The following NRG1 variants were observed in gnomAD, a reference collection of about 807,000 sequenced individuals.
NRG1 encodes the protein neuregulin 1.
In NRG1, 18 loss-of-function variants were observed where a neutral mutation model predicts 63.8. The observed-to-expected ratio is 0.28, with a 90% CI of 0.19 to 0.42. The LOEUF (loss-of-function observed/expected upper bound fraction) is 0.42. Among genes scored for constraint, NRG1 ranks in the 10% least tolerant of loss-of-function variants. NRG1 has a pLI of 1.00. For missense variants in NRG1, 762 were observed against 814.7 expected, an observed-to-expected ratio of 0.94 and a Z score of 0.79; for synonymous variants, 302 against 301.3, an observed-to-expected ratio of 1.00 and a Z score of -0.02.
At chr8:31,858,815 C>A (rs1262270394) in intron 1 of NRG1, among the ~76,000 whole-genome samples, 1 of 152,186 alleles carries the variant, frequency 6.6e-6, no homozygotes, top group Non-Finnish European at 1.5e-5. Flanking sequence ...TGTTGCACAA[C>A]CAACACTTCA....
chr8:31,725,793 G>A (rs900200066), intron 1 of NRG1, among the ~76,000 whole-genome samples: 1 of 152,014 alleles, frequency 6.6e-6, no homozygotes, highest in African/African-American at 2.4e-5. Flanking sequence ...TTGTGTAATG[G>A]CATTGGTTTT....
intron 5 of NRG1, among the ~76,000 whole-genome samples, chr8:32,676,500 C>T (rs927893104): frequency 1.3e-5 from 2 of 152,198 alleles, no homozygotes; most frequent in Non-Finnish European, 2.9e-5. Context: ...ATTTACTGCT[C>T]ATGTGACCCT....
intron 1 of NRG1, among the ~76,000 whole-genome samples, chr8:31,982,082 A>T (rs1809212898): frequency 6.6e-6 from 1 of 151,888 alleles, no homozygotes; most frequent in Non-Finnish European, 1.5e-5. Context: ...TCAAGGAGAC[A>T]GTGGGAGAAG....
rs138140629 is a variant in NRG1, at chr8:32,462,847, G to A, written c.38-132981G>A. On this transcript the variant is annotated intron_variant, in intron 1 of 10. Coordinates refer to the NRG1 transcript ENST00000519301. ...TCAAACTCCTGGCCTCAGGTGATCC[G>A]CCTGCCTTGGCCTCCCAAAGTTCTG... is the stretch of plus-strand genomic sequence containing the variant. Among the ~76,000 whole-genome samples, 215 of 151,844 alleles carry A rather than the reference G, an allele frequency of 1.4e-3. 3 individuals carry two copies. The East Asian group carries it at 0.035, about 25-fold the overall frequency.
intron 11 of NRG1, chr8:32,763,397 C>A: frequency 1.9e-6 from 3 of 1,605,236 alleles, no homozygotes; most frequent in African/African-American, 1.3e-5. Flanking sequence ...CCTTCCGAAT[C>A]CCTGAGCCTT....
chr8:32,407,836 G>C (rs1395095622), intron 1 of NRG1, among the ~76,000 whole-genome samples: 3 of 152,092 alleles, frequency 2.0e-5, no homozygotes, highest in Admixed American at 6.6e-5. Context: ...TATGCCTGTA[G>C]CTCCAAAAAA....
rs770086769 is a variant in NRG1 at position 32,571,335 on chromosome 8, A to G, written c.100+22509A>G. On this transcript the variant is annotated intron_variant, in intron 1 of 11. Coordinates refer to ENST00000356819, the Ensembl canonical transcript of NRG1. ...TGCTTGTAAATTCACTTGTTCTTTT[A>G]TAAATAATGTGCATACAAGGAGATT... Among the ~76,000 whole-genome samples, 155 of 152,280 alleles carry G rather than the reference A, an allele frequency of 1.0e-3. 1 individual carries two copies. Among genetic ancestry groups the G allele is most frequent in the Admixed American group, 5.2e-3 (79 of 15,286 alleles).
intron 5 of NRG1, among the ~76,000 whole-genome samples, chr8:32,627,306 A>G (rs1476601034): frequency 6.6e-6 from 1 of 152,214 alleles, no homozygotes; most frequent in Non-Finnish European, 1.5e-5. Context: ...TTTCTGAAAT[A>G]TAACTAGAAA....
intron 1 of NRG1, among the ~76,000 whole-genome samples, chr8:32,536,987 A>G (rs1430914094): frequency 6.8e-6 from 1 of 147,792 alleles, no homozygotes; most frequent in Non-Finnish European, 1.5e-5. Flanking sequence ...TCACGCCTGT[A>G]ATCCCACCAT....
chr8:32,233,624 G>T (rs1847236364), intron 1 of NRG1, among the ~76,000 whole-genome samples: 1 of 146,968 alleles, frequency 6.8e-6, no homozygotes, highest in Non-Finnish European at 1.5e-5. Flanking sequence ...GAGTGCAGTG[G>T]TGCGATCTCA....
intron 1 of NRG1, among the ~76,000 whole-genome samples, chr8:32,515,538 G>C (rs1241931338): frequency 6.6e-6 from 1 of 151,776 alleles, no homozygotes; most frequent in African/African-American, 2.4e-5. Flanking sequence ...TCAAATTCCT[G>C]GCTGAAGCAA....
chr8:32,319,619 G>T (rs1184576187), intron 1 of NRG1, among the ~76,000 whole-genome samples: 2 of 152,054 alleles, frequency 1.3e-5, no homozygotes, highest in Non-Finnish European at 2.9e-5. Context: ...TGTCACTCCA[G>T]GTAACACCCA....
chr8:32,472,466 G>A (rs780992352), intron 1 of NRG1, among the ~76,000 whole-genome samples: 2 of 152,210 alleles, frequency 1.3e-5, no homozygotes, highest in African/African-American at 4.8e-5. Context: ...CACCGTGCCC[G>A]GCCCTTGGCC....
chr8:32,497,414 T>C (rs1464229250), intron 1 of NRG1, among the ~76,000 whole-genome samples: 1 of 138,598 alleles, frequency 7.2e-6, no homozygotes, highest in Non-Finnish European at 1.5e-5. Flanking sequence ...GTCATTGCAC[T>C]CCAGCCTGGG....
Position 32,267,627 on chromosome 8 carries a change from C to T in NRG1, c.38-328201C>T, listed in dbSNP as rs566803193. The stretch of plus-strand genomic sequence containing the variant: ...CATTACCATGAGCAGTCAATAATTC[C>T]CTGAATCCCTGTTGGACAGAATTAC... On this transcript the variant is annotated intron_variant, in intron 1 of 10. Coordinates refer to the NRG1 transcript ENST00000519301. 1.7e-3 allele frequency among the ~76,000 whole-genome samples: 263 copies of T among 152,202 alleles called. 1 individual carries two copies. The highest frequency in any genetic ancestry group is 3.1e-3 in the Non-Finnish European group (209 of 68,006).
intron 1 of NRG1, among the ~76,000 whole-genome samples, chr8:31,667,306 G>T (rs546813492): frequency 1.3e-5 from 2 of 152,140 alleles, no homozygotes; most frequent in Non-Finnish European, 2.9e-5. Context: ...AGCAAATAGG[G>T]TGCCAGAGGT....
intron 1 of NRG1, among the ~76,000 whole-genome samples, chr8:31,859,932 G>GT (rs200993242): frequency 5.4e-4 from 82 of 152,168 alleles, no homozygotes; most frequent in South Asian, 1.0e-3. Context: ...AGCCTGCTTA[G>GT]TTTTTTTTCC....
intron 1 of NRG1, among the ~76,000 whole-genome samples, chr8:31,976,665 GT>G (rs1808237918): frequency 2.0e-4 from 1 of 4,948 alleles, no homozygotes; most frequent in Non-Finnish European, 5.2e-4. Context: ...TGCCATGGGT[GT>G]GTGTGTGTGT....
chr8:32,320,776 C>T (rs370202184), intron 1 of NRG1, among the ~76,000 whole-genome samples: 12 of 152,246 alleles, frequency 7.9e-5, no homozygotes, highest in African/African-American at 2.9e-4. Flanking sequence ...ATAGACTGCT[C>T]ACCTAGACTT....
Sources: gnomAD v4.1 joint callset for allele counts (sites outside exome capture counted in the v4.1 genomes callset) on GRCh38, gnomAD v4.1.1 for gene constraint, MANE v1.5 for transcripts, NCBI Gene and HGNC (gene_info 2026-07-23, HGNC 2026-07-21) for gene names.